Variants in COL4A4 observed in about 807,000 individuals in gnomAD.
The protein encoded by COL4A4 is collagen type IV alpha 4 chain, also known as collagen alpha-4(IV) chain.
A neutral mutation model predicts 192.9 loss-of-function variants in COL4A4; 105 were observed. That is an observed-to-expected ratio of 0.54 (90% CI 0.46 to 0.64). COL4A4 has a LOEUF of 0.64. COL4A4 is among the 30% of genes least tolerant of loss of function. The probability of loss-of-function intolerance (pLI) is 0.00; values close to 1 mark genes in which losing one functional copy is unlikely to be tolerated. For missense variants in COL4A4, 1,967 were observed against 2,169.3 expected, an observed-to-expected ratio of 0.91 and a Z score of 1.85; for synonymous variants, 762 against 769.9, an observed-to-expected ratio of 0.99 and a Z score of 0.17.
rs778832152 is a variant in COL4A4, at chr2:227,098,695, T to C, written c.1203A>G (p.Ala401=). The stretch of plus-strand genomic sequence containing the variant: ...CAGGGCACATCAGGGCATCCGTACC[T>C]GCACAGGCTTCCCCTGGTCTGCCCA... ...GLLGRPGEAC[A]GMIGPPGPQG... Residue 401 remains alanine (A), a splice_region_variant and synonymous_variant, in exon 19 of 48, where the codon GCA becomes GCG. Coordinates refer to ENST00000396625, the MANE Select transcript of COL4A4 (RefSeq NM_000092.5). The C allele has an allele frequency of 3.1e-6, 5 of 1,613,432 alleles. No homozygotes were observed. The highest frequency in any genetic ancestry group is 4.2e-6 in the Non-Finnish European group (5 of 1,179,526).
chr2:227,107,006 T>C (rs1166008800), intron 12 of COL4A4, among the ~76,000 whole-genome samples: 1 of 152,266 alleles, frequency 6.6e-6, no homozygotes, highest in African/African-American at 2.4e-5. Flanking sequence ...TGTGTCTGAT[T>C]GGACTGGCGC....
intron 20 of COL4A4, among the ~76,000 whole-genome samples, chr2:227,090,598 A>G (rs1351263488): frequency 6.6e-6 from 1 of 151,738 alleles, no homozygotes; most frequent in African/African-American, 2.4e-5. Context: ...GCAAAATCAC[A>G]AAAATTAGCC....
intron 1 of COL4A4, among the ~76,000 whole-genome samples, chr2:227,149,521 C>T (rs2063773932): frequency 6.6e-6 from 1 of 151,974 alleles, no homozygotes; most frequent in Admixed American, 6.6e-5. Context: ...AGAACAACAA[C>T]AAAATAAGGC....
At chr2:227,028,040 G>C (rs1029458310) in intron 41 of COL4A4, 31 bp from the exon 42 acceptor site, 2 of 1,378,530 alleles carry the variant, frequency 1.5e-6, no homozygotes, top group Non-Finnish European at 2.0e-6. Context: ...AAAAATGAGG[G>C]CACTGGAATG....
chr2:227,101,434 A>T lies in COL4A4; in HGVS notation c.1029+70T>A, dbSNP rs889199930. 10 of 1,243,738 alleles carry T rather than the reference A, an allele frequency of 8.0e-6. No homozygotes were observed. In the African/African-American group the frequency reaches 1.2e-4, roughly 15 times the overall value. 77.0% of individuals were successfully genotyped at this position (1,243,738 alleles called of 1,614,324 possible). Reference sequence around the variant, plus strand: ...TTGAATGATTCCTGGCAATACTTCTAAAAATAAATTAGATAATATTAAGGA... The same window carrying T: ...TTGAATGATTCCTGGCAATACTTCTTAAAATAAATTAGATAATATTAAGGA... On this transcript the variant is annotated intron_variant, in intron 17 of 47. Transcript: ENST00000396625.
chr2:227,065,732 C>T (rs1469317516), intron 25 of COL4A4, among the ~76,000 whole-genome samples: 1 of 152,202 alleles, frequency 6.6e-6, no homozygotes. Context: ...TCTACATCAC[C>T]ATCATCAAAG....
chr2:226,971,770 T>C, the COL4A4 span, among the ~76,000 whole-genome samples: 3 of 152,226 alleles, frequency 2.0e-5, no homozygotes, highest in African/African-American at 7.2e-5. Flanking sequence ...ATCTGTCATG[T>C]AATTTGTGTG....
chr2:227,017,156 G>A (rs1190035082), intron 44 of COL4A4, among the ~76,000 whole-genome samples: 1 of 152,182 alleles, frequency 6.6e-6, no homozygotes, highest in Admixed American at 6.5e-5. Context: ...CACTGAACAG[G>A]CAGCAGCAGG....
At chr2:227,139,320 A>T (rs1165200326) in intron 4 of COL4A4, among the ~76,000 whole-genome samples, 1 of 152,212 alleles carries the variant, frequency 6.6e-6, no homozygotes, top group African/African-American at 2.4e-5. Context: ...AGAATCATTG[A>T]TCTGACTCAA....
In COL4A4 at chr2:227,018,672, TA is replaced by T. The variant is rs528113281; in HGVS notation, c.4216+3375del. On this transcript the variant is annotated intron_variant, in intron 44 of 47. Transcript: ENST00000396625. Reference sequence around the variant, plus strand: ...TTCACCAGAACGACGGGGCACTTTTTAAAAAACATCATAATCATGTAGGTGT... The same window carrying T: ...TTCACCAGAACGACGGGGCACTTTTTAAAAACATCATAATCATGTAGGTGT... 2.7e-3 allele frequency among the ~76,000 whole-genome samples: 404 copies of T among 152,204 alleles called. 1 individual carries two copies. Among genetic ancestry groups the T allele is most frequent in the Admixed American group, 3.9e-3 (59 of 15,290 alleles).
intron 1 of COL4A4, 55 bp from the exon 2 acceptor site, chr2:227,147,639 T>C: frequency 1.5e-6 from 1 of 658,534 alleles, no homozygotes. Flanking sequence ...ATGTTGAAAA[T>C]AATTACTTTC....
chr2:227,019,075 T>A (rs1317524717), intron 44 of COL4A4, among the ~76,000 whole-genome samples: 1 of 152,202 alleles, frequency 6.6e-6, no homozygotes, highest in African/African-American at 2.4e-5. Context: ...AATTTTGATG[T>A]TGAGGTGGAG....
the COL4A4 span, among the ~76,000 whole-genome samples, chr2:226,984,293 C>G: frequency 6.6e-6 from 1 of 152,220 alleles, no homozygotes; most frequent in African/African-American, 2.4e-5. Flanking sequence ...AAATTTATTT[C>G]TCACGGTTCT....
At position 227,059,375 on chromosome 2, in the gene COL4A4, T is replaced by C. The variant is rs751671439; in HGVS notation, c.2383+30A>G. 5 of 1,583,262 alleles carry C rather than the reference T, an allele frequency of 3.2e-6. No individual in the cohort carries two copies. The African/African-American group carries it at 6.7e-5, about 21-fold the overall frequency. On this transcript the variant is annotated intron_variant, in intron 28 of 47. Transcript: ENST00000396625. The stretch of plus-strand genomic sequence containing the variant: ...CTGTTCCAAAACTGAGCCAGCTCTA[T>C]GCACCAAAAGGACAGCAAAGCCCTC...
At chr2:227,082,380 T>A (rs1005769174) in intron 22 of COL4A4, among the ~76,000 whole-genome samples, 193 bp from the exon 23 acceptor site, 2 of 152,216 alleles carry the variant, frequency 1.3e-5, no homozygotes, top group Admixed American at 6.5e-5. Context: ...TTGAACTACA[T>A]GTCAAATGTA....
intron 20 of COL4A4, among the ~76,000 whole-genome samples, chr2:227,092,610 A>C (rs1481208597): frequency 6.6e-6 from 1 of 152,210 alleles, no homozygotes; most frequent in East Asian, 1.9e-4. Flanking sequence ...TTTGAGGTTA[A>C]ATTATAAGTA....
chr2:227,114,457 A>C, intron 8 of COL4A4, 171 bp downstream of exon 8: 1 of 713,506 alleles, frequency 1.4e-6, no homozygotes, highest in Non-Finnish European at 2.6e-6. Flanking sequence ...CTGGCGACTA[A>C]AGCCACTGCC....
chr2:227,112,106 C>T (rs1214990124), intron 8 of COL4A4, among the ~76,000 whole-genome samples: 1 of 152,120 alleles, frequency 6.6e-6, no homozygotes, highest in Non-Finnish European at 1.5e-5. Context: ...AGAAAAGAAA[C>T]TCAGGTGGAA....
chr2:227,142,822 T>C (rs764771763), intron 3 of COL4A4, among the ~76,000 whole-genome samples: 3 of 152,148 alleles, frequency 2.0e-5, no homozygotes, highest in Non-Finnish European at 4.4e-5. Flanking sequence ...TTCCATCTTC[T>C]TTTTTGAAAA....
Sources: allele counts gnomAD v4.1 joint callset (sites outside exome capture counted in the v4.1 genomes callset), GRCh38; gene constraint gnomAD v4.1.1; transcripts MANE v1.5; gene names NCBI Gene and HGNC (gene_info 2026-07-23, HGNC 2026-07-21).